The following FMN1 variants were observed in gnomAD, a reference collection of about 807,000 sequenced individuals.
FMN1 encodes formin 1.
In FMN1, 110 loss-of-function variants were observed where a neutral mutation model predicts 132.4. The observed-to-expected ratio is 0.83, with a 90% CI of 0.71 to 0.97. The LOEUF (loss-of-function observed/expected upper bound fraction) is 0.97. Ranked by LOEUF, FMN1 falls within the 50% of genes least tolerant of loss-of-function variation. FMN1 has a pLI of 0.00. For synonymous variants in FMN1, 722 were observed against 651.7 expected (o/e 1.11, Z -1.64); for missense variants, 1,792 against 1,705.3 (o/e 1.05, Z -0.90).
At chr15:33,007,716 A>G (rs975527093) in intron 7 of FMN1, among the ~76,000 whole-genome samples, 5 of 152,152 alleles carry the variant, frequency 3.3e-5, no homozygotes, top group Admixed American at 6.5e-5. Context: ...AACTTCTACT[A>G]TATTTTATAT....
At chr15:33,086,169 T>G (rs2038683756) in intron 5 of FMN1, among the ~76,000 whole-genome samples, 1 of 151,322 alleles carries the variant, frequency 6.6e-6, no homozygotes, top group African/African-American at 2.4e-5. Flanking sequence ...GAGAATCGCT[T>G]AAACCCAGGA....
chr15:33,097,829 CCTTT>C (rs1449969094), intron 4 of FMN1, among the ~76,000 whole-genome samples: 1 of 152,134 alleles, frequency 6.6e-6, no homozygotes, highest in Admixed American at 6.5e-5. Context: ...TGTCAATATT[CCTTT>C]CTTAGTAATT....
intron 17 of FMN1, among the ~76,000 whole-genome samples, chr15:32,846,240 T>C (rs944188533): frequency 6.6e-6 from 1 of 152,168 alleles, no homozygotes; most frequent in Non-Finnish European, 1.5e-5. Context: ...CTTAATCTAA[T>C]TAAACTAAAC....
intron 9 of FMN1, among the ~76,000 whole-genome samples, chr15:32,938,051 GA>G (rs2061319458): frequency 6.6e-6 from 1 of 151,998 alleles, no homozygotes; most frequent in South Asian, 2.1e-4. Context: ...GAGGAAAAAA[GA>G]AACTTGAAGA....
At chr15:33,019,788 C>A (rs2035318258) in intron 6 of FMN1, among the ~76,000 whole-genome samples, 1 of 152,212 alleles carries the variant, frequency 6.6e-6, no homozygotes. Flanking sequence ...CCGCCAAGCC[C>A]ATGCCCACTC....
At chr15:33,171,334 T>C (rs1446019205) in intron 3 of FMN1, among the ~76,000 whole-genome samples, 2 of 152,202 alleles carry the variant, frequency 1.3e-5, no homozygotes, top group Non-Finnish European at 2.9e-5. Flanking sequence ...ACATATTGTA[T>C]ATTCCAAATA....
At chr15:32,865,899 A>G (rs1157217115) in intron 16 of FMN1, among the ~76,000 whole-genome samples, 1 of 152,060 alleles carries the variant, frequency 6.6e-6, no homozygotes, top group Non-Finnish European at 1.5e-5. Flanking sequence ...ACTCAATAAT[A>G]GAAATACAAG....
At chr15:33,187,292 T>C (rs546420464) in intron 2 of FMN1, among the ~76,000 whole-genome samples, 3 of 152,328 alleles carry the variant, frequency 2.0e-5, no homozygotes, top group African/African-American at 7.2e-5. Context: ...TGATTATTCC[T>C]AGATTGTGTT....
intron 17 of FMN1, chr15:32,810,862 G>C: frequency 2.4e-6 from 1 of 424,238 alleles, no homozygotes; most frequent in Non-Finnish European, 4.7e-6. Context: ...TTATGGACCT[G>C]ACATGGTTGG....
intron 4 of FMN1, among the ~76,000 whole-genome samples, chr15:33,148,176 C>T (rs1230142633): frequency 6.6e-6 from 1 of 152,114 alleles, no homozygotes; most frequent in East Asian, 1.9e-4. Context: ...TTCTTCTTTC[C>T]CCTGTTGCTC....
At chr15:33,188,793 G>A (rs1376371604) in intron 2 of FMN1, among the ~76,000 whole-genome samples, 1 of 152,042 alleles carries the variant, frequency 6.6e-6, no homozygotes, top group East Asian at 1.9e-4. Flanking sequence ...GTTGAGTGAT[G>A]TAATGAACAA....
rs148267293 is a variant in FMN1 at position 32,869,454 on chromosome 15, C to A, written c.3836-12347G>T. Among the ~76,000 whole-genome samples, 620 of 152,056 alleles carry A rather than the reference C, an allele frequency of 4.1e-3. 2 individuals are homozygous for A. The highest frequency in any genetic ancestry group is 0.014 in the African/African-American group (593 of 41,478). ...TAAGGGAGGGAGTCATGAGCAAGCT[C>A]GAGGTGGAAAATCAAAGGTGTTATT... On this transcript the variant is annotated intron_variant, in intron 16 of 20. Coordinates refer to ENST00000616417, the MANE Select transcript of FMN1 (RefSeq NM_001277313.2).
rs768534543 is a variant in FMN1 at position 32,969,524 on chromosome 15, C to G, written c.2224-47G>C. ...AAGAAAGTAATGAGTTTATTAAGAA[C>G]AAACTTAAGAATTTAGAAACTCAAT... On this transcript the variant is annotated intron_variant, in intron 7 of 20. Coordinates refer to ENST00000616417, the MANE Select transcript of FMN1 (RefSeq NM_001277313.2). The G allele has an allele frequency of 4.4e-6, 7 of 1,578,194 alleles. No individual in the cohort carries two copies. The African/African-American group carries it at 9.5e-5, about 21-fold the overall frequency.
chr15:33,009,064 T>G (rs566508640), intron 6 of FMN1, among the ~76,000 whole-genome samples: 1 of 152,212 alleles, frequency 6.6e-6, no homozygotes, highest in African/African-American at 2.4e-5. Context: ...GCCAGAAAAG[T>G]AGTGTTGCTG....
intron 4 of FMN1, chr15:33,106,023 T>C (rs1205072324): frequency 6.6e-6 from 1 of 152,068 alleles, no homozygotes; most frequent in Non-Finnish European, 1.5e-5. Context: ...CCCATGATTG[T>C]TCTGCCTTCT....
At chr15:33,055,256 C>T (rs936087372) in intron 6 of FMN1, among the ~76,000 whole-genome samples, 4 of 152,156 alleles carry the variant, frequency 2.6e-5, no homozygotes, top group Admixed American at 2.0e-4. Flanking sequence ...ACTCTTTCAA[C>T]CAATTGCCAA....
At chr15:32,891,286 C>T (rs1277497261) in intron 15 of FMN1, among the ~76,000 whole-genome samples, 2 of 152,192 alleles carry the variant, frequency 1.3e-5, no homozygotes, top group African/African-American at 2.4e-5. Flanking sequence ...CTCGCTCTGT[C>T]GCCCAGGCTG....
chr15:33,149,177 C>T (rs1964348140), intron 4 of FMN1, among the ~76,000 whole-genome samples: 1 of 152,132 alleles, frequency 6.6e-6, no homozygotes, highest in Non-Finnish European at 1.5e-5. Context: ...CCTCCACTGC[C>T]TTGACCCTCA....
intron 5 of FMN1, 101 bp from the exon 6 acceptor site, chr15:33,065,175 C>G: frequency 1.4e-6 from 1 of 703,710 alleles, no homozygotes; most frequent in Non-Finnish European, 2.4e-6. Context: ...ATTTTAATGG[C>G]TAGTTGCACA....
Sources: gnomAD v4.1 joint callset for allele counts (sites outside exome capture counted in the v4.1 genomes callset) on GRCh38, gnomAD v4.1.1 for gene constraint, MANE v1.5 for transcripts, NCBI Gene and HGNC (gene_info 2026-07-23, HGNC 2026-07-21) for gene names.